ERICH3: variants seen among roughly 807,000 people sequenced by gnomAD.
ERICH3 encodes glutamate-rich protein 3.
A neutral mutation model predicts 131.1 loss-of-function variants in ERICH3; 126 were observed. The ratio of observed to expected loss-of-function variants is 0.96; its 90% CI spans 0.83 to 1.11. ERICH3 has a LOEUF of 1.11. ERICH3 is among the 50% of genes most tolerant of loss of function. The probability of loss-of-function intolerance (pLI) is 0.00; values close to 1 mark genes in which losing one functional copy is unlikely to be tolerated. For synonymous variants in ERICH3, 695 were observed against 644.6 expected (o/e 1.08, Z -1.18); for missense variants, 2,050 against 1,810.7 (o/e 1.13, Z -2.40).
chr1:74,609,887 G>A (rs1434962572), intron 9 of ERICH3, among the ~76,000 whole-genome samples: 1 of 152,032 alleles, frequency 6.6e-6, no homozygotes, highest in African/African-American at 2.4e-5. Context: ...TGAAATCATA[G>A]AAATAATTGT....
At chr1:74,663,555 G>C (rs1438796985) in intron 1 of ERICH3, among the ~76,000 whole-genome samples, 1 of 150,126 alleles carries the variant, frequency 6.7e-6, no homozygotes, top group Non-Finnish European at 1.5e-5. Context: ...CTGCAGTTAT[G>C]GTCCATGAGA....
rs971873253 is a variant in ERICH3, at chr1:74,571,039, G to A, written c.*18+60C>T. The stretch of plus-strand genomic sequence containing the variant: ...ATAAAGGGACAAGCCAGCCCCAAGG[G>A]GAGGAGACCCACCGCAGGGCTGCTA... On this transcript the variant is annotated intron_variant, in intron 14 of 14. Coordinates refer to ENST00000326665, the MANE Select transcript of ERICH3 (RefSeq NM_001002912.5). 3 of 1,537,864 alleles carry A rather than the reference G, an allele frequency of 2.0e-6. No homozygotes were observed. In the African/African-American group the frequency reaches 4.1e-5, roughly 21 times the overall value.
intron 12 of ERICH3, among the ~76,000 whole-genome samples, chr1:74,587,087 A>C (rs1401691864): frequency 1.3e-5 from 2 of 152,142 alleles, no homozygotes; most frequent in East Asian, 3.9e-4. Context: ...ACACTTTGGG[A>C]GACCGAGGCG....
chr1:74,638,519 A>T (rs150227166), intron 5 of ERICH3, among the ~76,000 whole-genome samples: 436 of 152,332 alleles, frequency 2.9e-3, no homozygotes, highest in African/African-American at 0.01. Flanking sequence ...GAAGAAGGAT[A>T]AATTTGAATA....
intron 12 of ERICH3, chr1:74,577,442 G>A (rs1647085747): frequency 6.5e-6 from 1 of 153,364 alleles, no homozygotes; most frequent in Non-Finnish European, 1.4e-5. Context: ...AGTGGCAGTG[G>A]TAGCCCAATG....
At position 74,582,237 on chromosome 1, in the gene ERICH3, G is replaced by T. The variant is rs12065505; in HGVS notation, c.2177-5301C>A. Among the ~76,000 whole-genome samples the T allele has an allele frequency of 6.9e-3, 1,056 of 152,216 alleles. 11 individuals are homozygous for T. Among genetic ancestry groups the T allele is most frequent in the African/African-American group, 0.024 (980 of 41,526 alleles). On this transcript the variant is annotated intron_variant, in intron 12 of 14. Transcript: ENST00000326665. ...CTTCCAGCCTCTTCTAATCCTTTAAGTCTAGGATGATTTCTTTTTTAACTT... is the reference window on the plus strand; with the variant it reads ...CTTCCAGCCTCTTCTAATCCTTTAATTCTAGGATGATTTCTTTTTTAACTT...
intron 12 of ERICH3, among the ~76,000 whole-genome samples, chr1:74,586,909 T>C (rs1647354759): frequency 6.6e-6 from 1 of 152,218 alleles, no homozygotes; most frequent in African/African-American, 2.4e-5. Context: ...AAAAGTGATC[T>C]TTTTGTGTGT....
At chr1:74,619,051 A>C (rs548853084) in intron 8 of ERICH3, among the ~76,000 whole-genome samples, 1 of 152,228 alleles carries the variant, frequency 6.6e-6, no homozygotes, top group Non-Finnish European at 1.5e-5. Flanking sequence ...CCTGGCAATC[A>C]AGGGCAAGCT....
rs1179536976 is a variant in ERICH3, at chr1:74,649,263, T to A, written c.76A>T (p.Asn26Tyr). 1 of 1,612,734 alleles carries A rather than the reference T, an allele frequency of 6.2e-7. No individual in the cohort carries two copies. The highest frequency in any genetic ancestry group is 1.7e-5 in the Admixed American group (1 of 59,950). The change falls in exon 2 of 15, where the codon AAC becomes TAC. Residue 26 changes from asparagine to tyrosine, a missense_variant. Asn to Tyr is a moderately radical substitution (Grantham distance 143). Coordinates refer to ENST00000326665, the MANE Select transcript of ERICH3 (RefSeq NM_001002912.5). ...AGATGACGCCTTATCCTTGTATTGT[T>A]AAAATACCCAGCCAGGTGTTTATCC... ...LMDKHLAGYF[N>Y]NTRIRRHLLR...
Position 74,571,874 on chromosome 1 carries a change from G to A in ERICH3, c.3836C>T (p.Pro1279Leu). The A allele has an allele frequency of 6.2e-7, 1 of 1,611,870 alleles. No individual in the cohort carries two copies. The highest frequency in any genetic ancestry group is 8.5e-7 in the Non-Finnish European group (1 of 1,180,036). The change falls in exon 14 of 15, where the codon CCC (proline) becomes CTC (leucine). Residue 1279 changes from proline to leucine, a missense_variant. Coordinates refer to ENST00000326665, the MANE Select transcript of ERICH3 (RefSeq NM_001002912.5). ...RTQEAVAEED[P>L]IMAEKFREEA... ...CTCCCTGAACTTTTCTGCCATTATG[G>A]GATCTTCCTCAGCAACAGCTTCCTG... is the stretch of plus-strand genomic sequence containing the variant.
chr1:74,645,924 T>C (rs1033139111), intron 3 of ERICH3, among the ~76,000 whole-genome samples: 3 of 152,116 alleles, frequency 2.0e-5, no homozygotes, highest in Admixed American at 6.6e-5. Context: ...AATGGTTTTA[T>C]GAGCCCAGTT....
intron 11 of ERICH3, among the ~76,000 whole-genome samples, chr1:74,597,399 A>G (rs987793185): frequency 3.9e-5 from 6 of 152,098 alleles, no homozygotes; most frequent in African/African-American, 1.4e-4. Flanking sequence ...GCCCTTTAAA[A>G]GCATAGCTTA....
At chr1:74,620,626 A>T in intron 8 of ERICH3, 108 bp downstream of exon 8, 1 of 932,326 alleles carries the variant, frequency 1.1e-6, no homozygotes, top group Non-Finnish European at 1.6e-6. Flanking sequence ...GTCCCTGGAT[A>T]TGCATAATTT....
chr1:74,579,745 G>A (rs1436973633), intron 12 of ERICH3: 1 of 985,218 alleles, frequency 1.0e-6, no homozygotes. Flanking sequence ...TTTCAGCAAT[G>A]TGACATATCA....
intron 3 of ERICH3, among the ~76,000 whole-genome samples, chr1:74,643,442 A>T (rs951783841): frequency 2.6e-5 from 4 of 152,128 alleles, no homozygotes; most frequent in Non-Finnish European, 5.9e-5. Flanking sequence ...GCAAAAAAAA[A>T]TGCAGAAACA....
At chr1:74,647,957 C>T (rs1646499526) in intron 2 of ERICH3, among the ~76,000 whole-genome samples, 2 of 152,102 alleles carry the variant, frequency 1.3e-5, no homozygotes, top group Admixed American at 1.3e-4. Flanking sequence ...GTGGAAGCTC[C>T]TATAGGGCAA....
intron 12 of ERICH3, among the ~76,000 whole-genome samples, chr1:74,578,813 C>T (rs531919983): frequency 3.9e-4 from 59 of 152,114 alleles, no homozygotes; most frequent in Middle Eastern, 3.4e-3. Context: ...TTAAAGTGAA[C>T]TGCTAAGGGG....
chr1:74,573,413 G>T lies in ERICH3; in HGVS notation c.2297C>A (p.Thr766Lys). The T allele has an allele frequency of 6.3e-7, 1 of 1,584,980 alleles. No homozygotes were observed. The highest frequency in any genetic ancestry group is 8.5e-7 in the Non-Finnish European group (1 of 1,169,910). Reference protein sequence around the residue: ...NKESQQLVQKTYTLEKKEAME... With the variant: ...NKESQQLVQKKYTLEKKEAME... Reference sequence around the variant, plus strand: ...TGCTTCTTTCTTCTCCAGTGTATACGTTTTTTGCACCAATTGCTGGGATTC... The same window carrying T: ...TGCTTCTTTCTTCTCCAGTGTATACTTTTTTTGCACCAATTGCTGGGATTC... The change falls in exon 14 of 15, where the codon ACG becomes AAG. Residue 766 changes from threonine (T) to lysine (K), a missense_variant. Coordinates refer to ENST00000326665, the MANE Select transcript of ERICH3 (RefSeq NM_001002912.5).
intron 5 of ERICH3, 98 bp from the exon 6 acceptor site, chr1:74,636,536 T>C (rs1646391354): frequency 2.5e-6 from 3 of 1,212,712 alleles, no homozygotes; most frequent in Non-Finnish European, 3.5e-6. Flanking sequence ...TAATTAATGG[T>C]GCCTTTTTAC....
Sources: gnomAD v4.1 joint callset for allele counts (sites outside exome capture counted in the v4.1 genomes callset) on GRCh38, gnomAD v4.1.1 for gene constraint, MANE v1.5 for transcripts, NCBI Gene and HGNC (gene_info 2026-07-23, HGNC 2026-07-21) for gene names.